Variants in CCNB3 observed in about 807,000 individuals in gnomAD.
CCNB3 encodes the protein cyclin B3, also known as G2/mitotic-specific cyclin-B3.
In CCNB3, 12 loss-of-function variants were observed where a neutral mutation model predicts 68.0. The observed-to-expected ratio is 0.18, with a 90% CI of 0.11 to 0.29. CCNB3 has a LOEUF of 0.29. Among genes scored for constraint, CCNB3 ranks in the 10% least tolerant of loss-of-function variants. CCNB3 has a pLI of 1.00. For synonymous variants in CCNB3, 354 were observed against 388.9 expected (o/e 0.91, Z 1.06); for missense variants, 904 against 993.1 (o/e 0.91, Z 1.21).
At chrX:50,213,815 T>A (rs1935520737) in intron 1 of CCNB3, among the ~76,000 whole-genome samples, 1 of 111,751 alleles carries the variant, frequency 8.9e-6, no homozygotes, top group South Asian at 3.8e-4. Flanking sequence ...TATTCCTTTA[T>A]CCTTTTTATG....
chrX:50,285,425 G>A (rs1936217792), intron 3 of CCNB3, among the ~76,000 whole-genome samples, 166 bp downstream of exon 3: 1 of 111,085 alleles, frequency 9.0e-6, no homozygotes, highest in African/African-American at 3.3e-5. Context: ...ATTAGAACTT[G>A]GGGAGAAAGT....
chrX:50,222,947 A>G (rs925374338), intron 1 of CCNB3, among the ~76,000 whole-genome samples: 41 of 110,971 alleles, frequency 3.7e-4, no homozygotes, highest in Admixed American at 1.1e-3. Context: ...CATATTTCTT[A>G]GAGGCTTTGT....
rs782034890 is a variant in CCNB3, at chrX:50,343,121, T to A, written c.3654+782T>A. Among the ~76,000 whole-genome samples the A allele has an allele frequency of 8.8e-4, 98 of 111,876 alleles. No homozygotes were observed. In the Middle Eastern group the frequency reaches 0.014, roughly 16 times the overall value. ...AGGCATTGTTGTAGGAGATGACAGC[T>A]CCATGCATATTATGACCCCTGAAGA... is the stretch of plus-strand genomic sequence containing the variant. On this transcript the variant is annotated intron_variant, in intron 9 of 12. Coordinates refer to ENST00000376042, the MANE Select transcript of CCNB3 (RefSeq NM_033031.3).
At chrX:50,227,745 G>T (rs1406157692) in intron 1 of CCNB3, among the ~76,000 whole-genome samples, 3 of 6,495 alleles carry the variant, frequency 4.6e-4, no homozygotes, top group African/African-American at 1.8e-3. Flanking sequence ...ATATAAATAT[G>T]TATAGAGAGA....
chrX:50,214,966 A>G (rs1352324993), intron 1 of CCNB3, among the ~76,000 whole-genome samples: 1 of 108,129 alleles, frequency 9.2e-6, no homozygotes, highest in East Asian at 2.9e-4. Flanking sequence ...TTCGTTTCCA[A>G]GTGTTTGGAG....
At chrX:50,279,510 T>C (rs1370825158) in intron 1 of CCNB3, among the ~76,000 whole-genome samples, 40 of 83,668 alleles carry the variant, frequency 4.8e-4, no homozygotes, top group African/African-American at 1.7e-3. Flanking sequence ...TATGAATGTA[T>C]TTATTCATAT....
At chrX:50,297,755 A>G (rs1380213051) in intron 5 of CCNB3, among the ~76,000 whole-genome samples, 3 of 111,324 alleles carry the variant, frequency 2.7e-5, no homozygotes, top group Non-Finnish European at 5.7e-5. Context: ...GATTCTTCCT[A>G]CCCATGAGCA....
intron 7 of CCNB3, 76 bp from the exon 8 acceptor site, chrX:50,313,780 G>C: frequency 2.7e-6 from 2 of 728,888 alleles, no homozygotes; most frequent in Non-Finnish European, 4.2e-6. Flanking sequence ...CTATGAGGGA[G>C]AAGTTAATTG....
At position 50,286,613 on chromosome X, in the gene CCNB3, GTTTTT is replaced by G. The variant is rs369525241; in HGVS notation, c.96+1368_96+1372del. ...GCCACAGTGCCTGGCCCTCAGTTCG[GTTTTT>G]TTTTTTTTTTTTTGGTTGTTGTTGT... On this transcript the variant is annotated intron_variant, in intron 3 of 12. Transcript: ENST00000376042. Among the ~76,000 whole-genome samples, 296 of 75,329 alleles carry G rather than the reference GTTTTT, an allele frequency of 3.9e-3. 2 individuals carry two copies. The highest frequency in any genetic ancestry group is 0.015 in the African/African-American group (283 of 19,075). 65.4% of individuals were successfully genotyped at this position (75,329 alleles called of 115,157 possible).
intron 8 of CCNB3, among the ~76,000 whole-genome samples, chrX:50,323,909 A>G (rs1281564117): frequency 8.9e-6 from 1 of 112,642 alleles, no homozygotes; most frequent in African/African-American, 3.2e-5. Context: ...CCATCAATAT[A>G]TAGTGCCATT....
At chrX:50,341,360 TA>T (rs1923127107) in intron 8 of CCNB3, among the ~76,000 whole-genome samples, 1 of 105,769 alleles carries the variant, frequency 9.5e-6, no homozygotes, top group African/African-American at 3.4e-5. Context: ...AATAAATAAA[TA>T]AATAAATAAA....
intron 8 of CCNB3, among the ~76,000 whole-genome samples, chrX:50,317,212 A>G (rs1395485632): frequency 1.8e-5 from 2 of 112,452 alleles, no homozygotes; most frequent in Non-Finnish European, 3.8e-5. Flanking sequence ...TCATGCATAT[A>G]TCCTCTTTGA....
chrX:50,285,911 A>G (rs1190678031), intron 3 of CCNB3, among the ~76,000 whole-genome samples: 1 of 112,117 alleles, frequency 8.9e-6, no homozygotes, highest in Non-Finnish European at 1.9e-5. Context: ...GCGAGGTGCC[A>G]AATTTTTTCC....
Position 50,310,588 on chromosome X carries a change from G to A in CCNB3, c.2419G>A (p.Glu807Lys), listed in dbSNP as rs1557214620. Residue 807 changes from glutamate (E) to lysine (K), a missense_variant, in exon 6 of 13, where the codon GAG becomes AAG. By Grantham distance (56) the Glu-to-Lys change is moderately conservative (BLOSUM62 1). Transcript: ENST00000376042. ...LFKKLLAMQEEPSIEKEAVLK... is the reference protein window; with the variant it reads ...LFKKLLAMQEKPSIEKEAVLK... ...CAAGAAGCTTTTGGCCATGCAGGAG[G>A]AGCCCAGCATTGAGAAGGAAGCTGT... is the stretch of plus-strand genomic sequence containing the variant. The A allele has an allele frequency of 3.2e-5, 39 of 1,211,446 alleles. No individual in the cohort carries two copies. The highest frequency in any genetic ancestry group is 4.4e-5 in the Non-Finnish European group (39 of 895,437).
chrX:50,226,374 A>G (rs1344320018), intron 1 of CCNB3, among the ~76,000 whole-genome samples: 1 of 41,150 alleles, frequency 2.4e-5, no homozygotes, highest in Non-Finnish European at 4.0e-5. Context: ...GAATATATAT[A>G]AAAATATATA....
At position 50,308,825 on chromosome X, in the gene CCNB3, C is replaced by T. The variant is rs1557213958; in HGVS notation, c.656C>T (p.Thr219Ile). ...EPMTFKKTHK[T>I]EEAAITKKTL... ...ATGACTTTTAAGAAGACACATAAAACTGAGGAGGCAGCCATCACCAAGAAG... is the reference window on the plus strand; with the variant it reads ...ATGACTTTTAAGAAGACACATAAAATTGAGGAGGCAGCCATCACCAAGAAG... Residue 219 changes from threonine (T) to isoleucine (I), a missense_variant, in exon 6 of 13, where the codon ACT (threonine) becomes ATT (isoleucine). By Grantham distance (89) the Thr-to-Ile change is moderately conservative. This residue lies in a region of CCNB3 where 619 missense variants were observed against 609.8 expected (regional missense o/e 1.02). Transcript: ENST00000376042. 8.3e-7 allele frequency: 1 copy of T among 1,211,476 alleles called. No homozygotes were observed. The highest frequency in any genetic ancestry group is 3.0e-5 in the East Asian group (1 of 33,823).
In CCNB3 at chrX:50,351,497, C is replaced by T. The variant is rs1375375911; in HGVS notation, c.4092-110C>T. 7.6e-6 allele frequency: 8 copies of T among 1,053,246 alleles called. No homozygotes were observed. The African/African-American group carries it at 1.3e-4, about 17-fold the overall frequency. 86.8% of individuals were successfully genotyped at this position (1,053,246 alleles called of 1,213,427 possible). A position where few individuals can be genotyped will look rare whatever the true frequency, so the allele number is the denominator to read the frequency against. On this transcript the variant is annotated intron_variant, in intron 12 of 12. Transcript: ENST00000376042. ...GGCACTTTTCACCTTCCTTTCTACT[C>T]TAGGGTTAAAGCAAGATAGGAAACT...
chrX:50,309,385 A>G lies in CCNB3; in HGVS notation c.1216A>G (p.Ile406Val). 8.3e-7 allele frequency: 1 copy of G among 1,211,698 alleles called. No homozygotes were observed. The highest frequency in any genetic ancestry group is 1.1e-6 in the Non-Finnish European group (1 of 895,482). Residue 406 changes from isoleucine to valine, a missense_variant, in exon 6 of 13, where the codon ATC (isoleucine) becomes GTC (valine). This residue lies in a region of CCNB3 where 619 missense variants were observed against 609.8 expected (regional missense o/e 1.02). Coordinates refer to ENST00000376042, the MANE Select transcript of CCNB3 (RefSeq NM_033031.3). ...SRLKPLVLQEITSGEKSLIMK... is the reference protein window; with the variant it reads ...SRLKPLVLQEVTSGEKSLIMK... ...TCTGAAGCCATTAGTATTGCAGGAG[A>G]TCACCTCTGGAGAGAAGTCGCTCAT...
At chrX:50,226,499 AAT>A (rs1383404225) in intron 1 of CCNB3, among the ~76,000 whole-genome samples, 9 of 44,795 alleles carry the variant, frequency 2.0e-4, no homozygotes, top group African/African-American at 6.4e-4. Flanking sequence ...AATATATAAA[AAT>A]ATATATATAG....
Sources: allele counts gnomAD v4.1 joint callset (sites outside exome capture counted in the v4.1 genomes callset), GRCh38; gene constraint gnomAD v4.1.1; regional missense constraint gnomAD v4.1.1; transcripts MANE v1.5; gene names NCBI Gene and HGNC (gene_info 2026-07-23, HGNC 2026-07-21).